The following CCDC7 variants were observed in gnomAD, a reference collection of about 807,000 sequenced individuals.
CCDC7 encodes the protein coiled-coil domain-containing protein 7.
CCDC7 carries 183 observed loss-of-function variants against 196.9 expected under a neutral mutation model. The ratio of observed to expected loss-of-function variants is 0.93; its 90% CI spans 0.82 to 1.05. The LOEUF (loss-of-function observed/expected upper bound fraction) is 1.05. Ranked by LOEUF, CCDC7 falls within the 50% of genes least tolerant of loss-of-function variation. The probability of loss-of-function intolerance (pLI) is 0.00; values close to 1 mark genes in which losing one functional copy is unlikely to be tolerated. For missense variants in CCDC7, 1,540 were observed against 1,482.2 expected, an observed-to-expected ratio of 1.04 and a Z score of -0.64; for synonymous variants, 525 against 484.6, an observed-to-expected ratio of 1.08 and a Z score of -1.10.
At chr10:32,877,519 G>A (rs1935649), downstream of CCDC7, among the ~76,000 whole-genome samples, 139,189 of 152,048 alleles carry the variant, frequency 0.92, 64,912 homozygotes, top group East Asian at 1. Flanking sequence ...CCTGCAATGG[G>A]TGGTGATTGT....
chr10:32,452,380 G>T (rs370633227), intron 1 of CCDC7, among the ~76,000 whole-genome samples: 1 of 152,192 alleles, frequency 6.6e-6, no homozygotes, highest in East Asian at 1.9e-4. Flanking sequence ...CAGATGCCAG[G>T]TTAAGGCCAA....
At chr10:32,475,741 C>G (rs1463796413) in intron 8 of CCDC7, among the ~76,000 whole-genome samples, 1 of 152,148 alleles carries the variant, frequency 6.6e-6, no homozygotes, top group African/African-American at 2.4e-5. Flanking sequence ...GTCTTCTTCT[C>G]TGGCCACACT....
intron 20 of CCDC7, among the ~76,000 whole-genome samples, chr10:32,662,868 T>G (rs1019879134): frequency 1.3e-5 from 2 of 152,212 alleles, no homozygotes; most frequent in Non-Finnish European, 2.9e-5. Context: ...TTGTCTTCTG[T>G]TGTTCTTACT....
chr10:32,583,011 C>T (rs1162779329), intron 16 of CCDC7, 23 bp from the exon 18 acceptor site: 5 of 1,223,620 alleles, frequency 4.1e-6, no homozygotes, highest in Non-Finnish European at 5.1e-6. Context: ...TAATCTAATA[C>T]CAGATGTTTT....
At chr10:32,611,773 A>C (rs2138777242) in intron 18 of CCDC7, among the ~76,000 whole-genome samples, 1 of 152,198 alleles carries the variant, frequency 6.6e-6, no homozygotes, top group South Asian at 2.1e-4. Context: ...TGCACCATTG[A>C]TCTATACATC....
At chr10:32,695,070 T>TATGCTCAACTACATA in intron 24 of CCDC7, 78 bp downstream of exon 25, 1 of 665,170 alleles carries the variant, frequency 1.5e-6, no homozygotes, top group Non-Finnish European at 2.4e-6. Context: ...TTCATGACTA[T>TATGCTCAACTACATA]GTAGTTGAGC....
At chr10:32,863,097 C>T (rs931181449) in intron 41 of CCDC7, among the ~76,000 whole-genome samples, 12 of 151,896 alleles carry the variant, frequency 7.9e-5, no homozygotes, top group Admixed American at 3.9e-4. Context: ...ACAGACTTAA[C>T]AAAATACCAA....
chr10:32,610,274 T>C (rs2061964480), intron 18 of CCDC7, among the ~76,000 whole-genome samples: 1 of 151,944 alleles, frequency 6.6e-6, no homozygotes, highest in Non-Finnish European at 1.5e-5. Flanking sequence ...CCGGCTAATT[T>C]TTTGTATTTT....
chr10:32,773,185 C>A (rs980057802), intron 28 of CCDC7, among the ~76,000 whole-genome samples: 6 of 152,196 alleles, frequency 3.9e-5, no homozygotes, highest in African/African-American at 7.2e-5. Flanking sequence ...GTGACCTGAG[C>A]TTCCTATACC....
chr10:32,778,277 G>A (rs1240847256), intron 28 of CCDC7, among the ~76,000 whole-genome samples: 1 of 152,106 alleles, frequency 6.6e-6, no homozygotes, highest in Non-Finnish European at 1.5e-5. Flanking sequence ...TATTGAGAAG[G>A]GTATTTACTA....
intron 21 of CCDC7, among the ~76,000 whole-genome samples, chr10:32,677,394 CA>C (rs1287179736): frequency 6.6e-6 from 1 of 151,768 alleles, no homozygotes. Context: ...TTCCCTTTAT[CA>C]CTCCTTGTAA....
At chr10:32,514,449 A>G (rs1463726969) in intron 9 of CCDC7, 1 of 152,250 alleles carries the variant, frequency 6.6e-6, no homozygotes, top group African/African-American at 2.4e-5. Context: ...AAAGAATGCC[A>G]GGGACTAACA....
At chr10:32,862,403 C>T (rs1262049849) in intron 41 of CCDC7, among the ~76,000 whole-genome samples, 1 of 135,454 alleles carries the variant, frequency 7.4e-6, no homozygotes, top group South Asian at 2.4e-4. Flanking sequence ...ACATCACACA[C>T]TGGGGCTTGT....
intron 29 of CCDC7, among the ~76,000 whole-genome samples, chr10:32,782,921 G>A (rs1262942592): frequency 6.6e-6 from 1 of 152,098 alleles, no homozygotes; most frequent in Non-Finnish European, 1.5e-5. Context: ...TCCACAAACG[G>A]TGCTTTCACA....
At chr10:32,830,467 A>G (rs2092046928) in intron 32 of CCDC7, among the ~76,000 whole-genome samples, 2 of 152,032 alleles carry the variant, frequency 1.3e-5, no homozygotes, top group Admixed American at 6.6e-5. Context: ...AATGTTTGGT[A>G]TAGCAGGGAG....
chr10:32,486,243 A>G (rs1164072795), intron 8 of CCDC7, among the ~76,000 whole-genome samples: 2 of 151,948 alleles, frequency 1.3e-5, no homozygotes, highest in African/African-American at 4.8e-5. Context: ...TCCCTTTACC[A>G]TTATGTAATG....
intron 24 of CCDC7, among the ~76,000 whole-genome samples, chr10:32,703,232 C>T (rs1045014928): frequency 3.9e-5 from 6 of 152,138 alleles, no homozygotes; most frequent in East Asian, 3.9e-4. Flanking sequence ...TCTCTCAGCA[C>T]TTGCTTGTTT....
intron 28 of CCDC7, among the ~76,000 whole-genome samples, chr10:32,758,705 T>C (rs943957838): frequency 3.3e-5 from 5 of 152,086 alleles, no homozygotes; most frequent in African/African-American, 7.2e-5. Context: ...GATGCCCTCT[T>C]TCACCACTCC....
intron 29 of CCDC7, among the ~76,000 whole-genome samples, chr10:32,782,002 T>G (rs1481658227): frequency 6.6e-6 from 1 of 152,224 alleles, no homozygotes; most frequent in Non-Finnish European, 1.5e-5. Flanking sequence ...TTGGTTACAT[T>G]ATCTATGCAC....
Sources: gnomAD v4.1 joint callset for allele counts (sites outside exome capture counted in the v4.1 genomes callset) on GRCh38, gnomAD v4.1.1 for gene constraint, MANE v1.5 for transcripts, NCBI Gene and HGNC (gene_info 2026-07-23, HGNC 2026-07-21) for gene names.